The following KCND2 variants were observed in gnomAD, a reference collection of about 807,000 sequenced individuals.
The protein encoded by KCND2 is potassium voltage-gated channel subfamily D member 2, also known as A-type voltage-gated potassium channel KCND2.
Under a neutral mutation model 54.4 loss-of-function variants are expected in KCND2, and 16 were observed. That is an observed-to-expected ratio of 0.29 (90% confidence interval 0.20 to 0.45). KCND2 has a LOEUF of 0.45. KCND2 is among the 20% of genes least tolerant of loss of function. The pLI, the probability that KCND2 is intolerant of heterozygous loss-of-function variation, is 1.00. For missense variants in KCND2, 486 were observed against 824.2 expected (o/e 0.59, Z 5.02); for synonymous variants, 317 against 310.7 (o/e 1.02, Z -0.21).
At chr7:120,437,193 T>A (rs1166525790) in intron 1 of KCND2, among the ~76,000 whole-genome samples, 1 of 147,320 alleles carries the variant, frequency 6.8e-6, no homozygotes. Context: ...CTGGAGACAA[T>A]CAATATACAA....
chr7:120,676,234 T>C (rs1351135587), intron 1 of KCND2, among the ~76,000 whole-genome samples: 1 of 152,226 alleles, frequency 6.6e-6, no homozygotes, highest in African/African-American at 2.4e-5. Flanking sequence ...TTATCTCTTG[T>C]CAATGTTGAA....
intron 1 of KCND2, among the ~76,000 whole-genome samples, chr7:120,510,728 G>A (rs1448626799): frequency 1.3e-5 from 2 of 151,870 alleles, no homozygotes; most frequent in African/African-American, 2.4e-5. Context: ...ATTTTTAGAA[G>A]GGTTTAAGAT....
chr7:120,500,504 T>C (rs1212912534), intron 1 of KCND2, among the ~76,000 whole-genome samples: 4 of 152,160 alleles, frequency 2.6e-5, no homozygotes, highest in African/African-American at 7.2e-5. Context: ...AGTCACAATT[T>C]TTAGAAATTC....
chr7:120,319,807 ATAG>A (rs1264685757), intron 1 of KCND2, among the ~76,000 whole-genome samples: 2 of 152,140 alleles, frequency 1.3e-5, no homozygotes, highest in African/African-American at 4.8e-5. Flanking sequence ...TCCATTTAAC[ATAG>A]TAGAAGCCAT....
chr7:120,438,655 G>T (rs950473013), intron 1 of KCND2, among the ~76,000 whole-genome samples: 1 of 152,010 alleles, frequency 6.6e-6, no homozygotes, highest in Non-Finnish European at 1.5e-5. Context: ...TACATTACAA[G>T]AATTCCTGCA....
At chr7:120,642,272 G>A (rs56272504) in intron 1 of KCND2, among the ~76,000 whole-genome samples, 2,439 of 151,804 alleles carry the variant, frequency 0.016, 62 homozygotes, top group African/African-American at 0.053. Flanking sequence ...TTTTATGGCC[G>A]GGCCCGGTGG....
At chr7:120,459,746 G>A (rs1243006677) in intron 1 of KCND2, among the ~76,000 whole-genome samples, 3 of 152,134 alleles carry the variant, frequency 2.0e-5, no homozygotes, top group Admixed American at 6.6e-5. Context: ...TTCTCCTTTC[G>A]GCTTTACTTT....
At chr7:120,518,959 A>G (rs1803240162) in intron 1 of KCND2, among the ~76,000 whole-genome samples, 1 of 152,132 alleles carries the variant, frequency 6.6e-6, no homozygotes, top group Non-Finnish European at 1.5e-5. Context: ...GAGAGAAAGT[A>G]TGTCAGATTT....
intron 1 of KCND2, among the ~76,000 whole-genome samples, chr7:120,399,512 A>G (rs529908210): frequency 4.6e-5 from 7 of 152,088 alleles, no homozygotes; most frequent in Non-Finnish European, 1.0e-4. Context: ...ACTTCTCTCT[A>G]TATAGTATTG....
intron 1 of KCND2, among the ~76,000 whole-genome samples, chr7:120,617,298 T>G (rs1793038644): frequency 6.6e-6 from 1 of 152,070 alleles, no homozygotes; most frequent in Non-Finnish European, 1.5e-5. Context: ...TTTCCCAGAT[T>G]TTTGTAATGA....
intron 1 of KCND2, among the ~76,000 whole-genome samples, chr7:120,618,756 G>A (rs1414184538): frequency 2.0e-5 from 3 of 152,118 alleles, no homozygotes; most frequent in Non-Finnish European, 4.4e-5. Context: ...AATATTTCAG[G>A]CTAGACAAAT....
At chr7:120,316,102 G>T (rs189776592) in intron 1 of KCND2, among the ~76,000 whole-genome samples, 1 of 152,192 alleles carries the variant, frequency 6.6e-6, no homozygotes, top group Admixed American at 6.5e-5. Context: ...TTCATGGTTC[G>T]TAATAGATCA....
At chr7:120,508,396 G>C (rs769854714) in intron 1 of KCND2, among the ~76,000 whole-genome samples, 28 of 151,922 alleles carry the variant, frequency 1.8e-4, no homozygotes, top group Admixed American at 4.0e-4. Flanking sequence ...TAGCATCCCA[G>C]ATGAGATGAT....
chr7:120,410,104 A>G (rs1384002120), intron 1 of KCND2, among the ~76,000 whole-genome samples: 2 of 151,902 alleles, frequency 1.3e-5, no homozygotes, highest in Non-Finnish European at 2.9e-5. Flanking sequence ...TTGCACATGG[A>G]TATTACATCC....
intron 1 of KCND2, among the ~76,000 whole-genome samples, chr7:120,370,458 T>C (rs1386269348): frequency 6.6e-6 from 1 of 152,014 alleles, no homozygotes; most frequent in Non-Finnish European, 1.5e-5. Flanking sequence ...AATGGATTAG[T>C]ATTGAATTCA....
chr7:120,638,468 A>G (rs536508912), intron 1 of KCND2, among the ~76,000 whole-genome samples: 1 of 152,302 alleles, frequency 6.6e-6, no homozygotes, highest in African/African-American at 2.4e-5. Context: ...TTCCCCTGCC[A>G]TCTGGGGAGG....
intron 1 of KCND2, among the ~76,000 whole-genome samples, chr7:120,342,483 A>G (rs1031492232): frequency 2.0e-5 from 3 of 152,082 alleles, no homozygotes; most frequent in African/African-American, 7.2e-5. Context: ...TCATACACCA[A>G]CTGTGTGTTA....
chr7:120,647,214 T>C (rs147818899), intron 1 of KCND2, among the ~76,000 whole-genome samples: 44 of 152,356 alleles, frequency 2.9e-4, no homozygotes, highest in African/African-American at 1.0e-3. Context: ...TAATATGCCT[T>C]AAGTTAAACA....
chr7:120,301,740 G>C (rs1262470343), intron 1 of KCND2, among the ~76,000 whole-genome samples: 3 of 151,998 alleles, frequency 2.0e-5, no homozygotes, highest in Non-Finnish European at 4.4e-5. Context: ...TGAGCTTAAA[G>C]GAGGCATTTG....
Sources: allele counts gnomAD v4.1 joint callset (sites outside exome capture counted in the v4.1 genomes callset), GRCh38; gene constraint gnomAD v4.1.1; transcripts MANE v1.5; gene names NCBI Gene and HGNC (gene_info 2026-07-23, HGNC 2026-07-21).